UPF2: variants seen among roughly 807,000 people sequenced by gnomAD.
UPF2 encodes UPF2 regulator of nonsense mediated mRNA decay, also known as regulator of nonsense transcripts 2.
Under a neutral mutation model 141.4 loss-of-function variants are expected in UPF2, and 17 were observed. That is an observed-to-expected ratio of 0.12 (90% CI 0.08 to 0.18). UPF2 has a LOEUF of 0.18. Ranked by LOEUF, UPF2 falls within the 10% of genes least tolerant of loss-of-function variation. The probability of loss-of-function intolerance (pLI) is 1.00; values close to 1 mark genes in which losing one functional copy is unlikely to be tolerated. For missense variants in UPF2, 1,152 were observed against 1,515.9 expected (o/e 0.76, Z 3.99); for synonymous variants, 540 against 498.0 (o/e 1.08, Z -1.12).
At chr10:12,032,737 C>CAAA (rs1291360872) in intron 2 of UPF2, among the ~76,000 whole-genome samples, 1 of 91,004 alleles carries the variant, frequency 1.1e-5, no homozygotes, top group Admixed American at 1.2e-4. Flanking sequence ...GACCCTGTCT[C>CAAA]AAAAAAAAAA....
At chr10:11,969,263 G>A (rs779961239) in intron 9 of UPF2, among the ~76,000 whole-genome samples, 21 of 151,200 alleles carry the variant, frequency 1.4e-4, no homozygotes, top group Non-Finnish European at 2.1e-4. Flanking sequence ...TCTGCCTCTC[G>A]GGTTCAAGTG....
rs976016478 is a variant in UPF2, at chr10:11,992,706, T to C, written c.1844+4966A>G. 1.6e-4 allele frequency among the ~76,000 whole-genome samples: 25 copies of C among 152,280 alleles called. No individual in the cohort carries two copies. The highest frequency in any genetic ancestry group is 6.0e-4 in the African/African-American group (25 of 41,552). On this transcript the variant is annotated intron_variant, in intron 8 of 21. Transcript: ENST00000357604. The surrounding 1 kb of genome is among the most constrained non-coding windows in gnomAD (Gnocchi z 4.1). ...TAAATTACTTTCATTAAAAGAAACA[T>C]ACTTTCAGAATATGTCTGAGAGTAA...
At chr10:12,031,269 T>C (rs980129129) in intron 2 of UPF2, among the ~76,000 whole-genome samples, 3 of 151,986 alleles carry the variant, frequency 2.0e-5, no homozygotes, top group Non-Finnish European at 2.9e-5. Context: ...TACCTTGCTA[T>C]GTTTGGGCTC....
intron 21 of UPF2, among the ~76,000 whole-genome samples, chr10:11,925,732 CA>C (rs1475270891): frequency 1.3e-5 from 2 of 152,206 alleles, no homozygotes; most frequent in African/African-American, 4.8e-5. Flanking sequence ...TCCAGGGGAA[CA>C]GCTGGAGACT....
chr10:12,004,899 T>C (rs988465743), intron 4 of UPF2, among the ~76,000 whole-genome samples, 172 bp from the exon 5 acceptor site: 7 of 152,220 alleles, frequency 4.6e-5, no homozygotes, highest in African/African-American at 1.7e-4. Flanking sequence ...AATCACAAAC[T>C]GTGTTTTAAA....
In UPF2 at chr10:12,035,090, G is replaced by C. The variant is rs762761037; in HGVS notation, c.334C>G (p.Gln112Glu). 2 of 1,573,558 alleles carry C rather than the reference G, an allele frequency of 1.3e-6. No individual in the cohort carries two copies. The highest frequency in any genetic ancestry group is 2.4e-5 in the South Asian group (2 of 82,988). ...TGAGCAGCTGCTTCTTCTTCTTGCT[G>C]ACGTTTGGCCTGCTCTTCTTGCTTC... is the stretch of plus-strand genomic sequence containing the variant. Reference protein sequence around the residue: ...RKKQEEQAKRQQEEEAAAQMK... With the variant: ...RKKQEEQAKREQEEEAAAQMK... The change falls in exon 2 of 22, where the codon CAG becomes GAG. Residue 112 changes from glutamine (Q) to glutamate (E), a missense_variant. By Grantham distance (29) the Gln-to-Glu change is conservative. This residue lies in a region of UPF2 where 145 missense variants were observed against 136.5 expected (regional missense o/e 1.06). Transcript: ENST00000357604.
chr10:11,982,687 C>T (rs921062012), intron 8 of UPF2, among the ~76,000 whole-genome samples: 3 of 152,050 alleles, frequency 2.0e-5, no homozygotes, highest in African/African-American at 4.8e-5. Context: ...AGTGCAATGG[C>T]GCCATCTTGG....
chr10:11,938,850 T>C (rs1016417625), intron 18 of UPF2, among the ~76,000 whole-genome samples: 4 of 118,520 alleles, frequency 3.4e-5, no homozygotes, highest in Non-Finnish European at 4.8e-5. Context: ...AAGTTTTTTT[T>C]TTGTTTTTTT....
At chr10:11,994,584 A>T (rs1475639484) in intron 8 of UPF2, among the ~76,000 whole-genome samples, 3 of 152,304 alleles carry the variant, frequency 2.0e-5, no homozygotes, top group Non-Finnish European at 4.4e-5. Flanking sequence ...TTTATTATTT[A>T]AAACTGCATA....
chr10:11,966,517 T>C (rs950632809), intron 10 of UPF2, among the ~76,000 whole-genome samples: 2 of 152,142 alleles, frequency 1.3e-5, no homozygotes, highest in Non-Finnish European at 2.9e-5. Flanking sequence ...CTCCACCTCC[T>C]GGGTTCAAGT....
intron 11 of UPF2, among the ~76,000 whole-genome samples, chr10:11,960,788 T>TAAGA (rs770062717): frequency 1.4e-5 from 2 of 142,998 alleles, no homozygotes; most frequent in Non-Finnish European, 3.1e-5. Context: ...AAAAAAAAAA[T>TAAGA]AAGAAAGAAA....
At chr10:12,035,504 A>G in intron 1 of UPF2, 63 bp from the exon 2 acceptor site, 2 of 1,453,060 alleles carry the variant, frequency 1.4e-6, no homozygotes, top group Non-Finnish European at 1.8e-6. Context: ...ATATCACACT[A>G]TTTTTTTAAA....
chr10:12,029,048 T>C lies in UPF2; in HGVS notation c.842A>G (p.Lys281Arg), dbSNP rs762098176. The C allele has an allele frequency of 6.8e-6, 11 of 1,614,210 alleles. No individual in the cohort carries two copies. The South Asian group carries it at 1.2e-4, about 18-fold the overall frequency. The stretch of plus-strand genomic sequence containing the variant: ...TTCATAGATTAAGGAAAGACCTTCC[T>C]TGTCAGTGAAAATCCCAACTATTGT... ...ELTIVGIFTD[K>R]EGLSLIYEQL... Residue 281 changes from lysine (K) to arginine (R), a missense_variant, in exon 3 of 22, where the codon AAG becomes AGG. Around this residue, in one of 4 missense-constraint regions of UPF2, gnomAD observed 739 missense variants for 1,032.2 expected, o/e 0.72. Transcript: ENST00000357604.
intron 8 of UPF2, among the ~76,000 whole-genome samples, chr10:11,994,534 T>C (rs549553032): frequency 6.6e-6 from 1 of 152,338 alleles, no homozygotes; most frequent in South Asian, 2.1e-4. Flanking sequence ...CATCATATAA[T>C]GTTTTCTACT....
chr10:11,924,781 A>G (rs1235176454), intron 21 of UPF2, among the ~76,000 whole-genome samples: 2 of 152,110 alleles, frequency 1.3e-5, no homozygotes, highest in African/African-American at 4.8e-5. Flanking sequence ...TCAGTTTCCA[A>G]ATAAATTTCC....
chr10:12,042,605 C>A lies in UPF2; in HGVS notation c.-19+150G>T, dbSNP rs768546137. 6.6e-6 allele frequency: 1 copy of A among 152,300 alleles called. No homozygotes were observed. Among genetic ancestry groups the A allele is most frequent in the South Asian group, 2.1e-4 (1 of 4,842 alleles). The allele number at this position is 152,300 out of a possible 1,614,324, so 9.4% of individuals were successfully genotyped here. On this transcript the variant is annotated intron_variant, in intron 1 of 21. Coordinates refer to ENST00000357604, the MANE Select transcript of UPF2 (RefSeq NM_015542.4). The surrounding 1 kb of genome is among the most constrained non-coding windows in gnomAD (Gnocchi z 5.5). ...TCTGAGGAGAACGACGCCGGACCCGCGGTCCCTCCACTGCTCGCCGACCCC... is the reference window on the plus strand; with the variant it reads ...TCTGAGGAGAACGACGCCGGACCCGAGGTCCCTCCACTGCTCGCCGACCCC...
At position 11,955,405 on chromosome 10, in the gene UPF2, G is replaced by C. The variant is rs913111292; in HGVS notation, c.2677C>G (p.Leu893Val). The change falls in exon 14 of 22, where the codon CTG becomes GTG. Residue 893 changes from leucine (L) to valine (V), a missense_variant. Physicochemically the swap from Leu to Val is conservative, Grantham distance 32. This residue lies in a region of UPF2 where 739 missense variants were observed against 1,032.2 expected (regional missense o/e 0.72). Coordinates refer to ENST00000357604, the MANE Select transcript of UPF2 (RefSeq NM_015542.4). ...ACACCAAATGAGGTAAAAGAATACA[G>C]AGTTCTGAAAATAACAGCTGATTCC... The part of the protein sequence containing the change: ...MVESAVIFRT[L>V]YSFTSFGVNP... The C allele has an allele frequency of 1.7e-5, 27 of 1,614,048 alleles. No homozygotes were observed. Among genetic ancestry groups the C allele is most frequent in the African/African-American group, 4.0e-5 (3 of 74,942 alleles).
In UPF2 at chr10:12,019,424, C is replaced by A. The variant is rs946997487; in HGVS notation, c.1146-5240G>T. Among the ~76,000 whole-genome samples, 6 of 152,248 alleles carry A rather than the reference C, an allele frequency of 3.9e-5. No individual in the cohort carries two copies. The highest frequency in any genetic ancestry group is 8.8e-5 in the Non-Finnish European group (6 of 68,050). ...GTAAAAACCATTCTTAGGTGACAGGCTGTAGAAAAACTAGTCATAGGCTTA... is the reference window on the plus strand; with the variant it reads ...GTAAAAACCATTCTTAGGTGACAGGATGTAGAAAAACTAGTCATAGGCTTA... On this transcript the variant is annotated intron_variant, in intron 3 of 21. Coordinates refer to ENST00000357604, the MANE Select transcript of UPF2 (RefSeq NM_015542.4). The surrounding 1 kb of genome is among the most constrained non-coding windows in gnomAD (Gnocchi z 4.5).
chr10:11,959,099 A>G lies in UPF2; in HGVS notation c.2370+72T>C. ...CTTGAGCTCTACCCCCACTTCTCCTAGACTCTACATAAGCTTAGCACTACC... is the reference window on the plus strand; with the variant it reads ...CTTGAGCTCTACCCCCACTTCTCCTGGACTCTACATAAGCTTAGCACTACC... On this transcript the variant is annotated intron_variant, in intron 12 of 21. Transcript: ENST00000357604. This position sits in a 1 kb window ranked among gnomAD's most constrained non-coding sequence, Gnocchi z 5.9. The G allele has an allele frequency of 2.1e-6, 3 of 1,441,758 alleles. No individual in the cohort carries two copies. The highest frequency in any genetic ancestry group is 2.8e-6 in the Non-Finnish European group (3 of 1,089,090). 89.3% of individuals were successfully genotyped at this position (1,441,758 alleles called of 1,614,324 possible).
Sources: gnomAD v4.1 joint callset for allele counts (sites outside exome capture counted in the v4.1 genomes callset) on GRCh38, gnomAD v4.1.1 for gene constraint, gnomAD v4.1.1 regional missense constraint, Gnocchi (gnomAD v3.1) non-coding constraint, MANE v1.5 for transcripts, NCBI Gene and HGNC (gene_info 2026-07-23, HGNC 2026-07-21) for gene names.